The following CRADD variants were observed in gnomAD, a reference collection of about 807,000 sequenced individuals.
CRADD encodes death domain-containing protein CRADD.
CRADD carries 9 observed loss-of-function variants against 15.5 expected under a neutral mutation model. The observed-to-expected ratio is 0.58, with a 90% CI of 0.35 to 1.01. The LOEUF (loss-of-function observed/expected upper bound fraction) is 1.01. Among genes scored for constraint, CRADD ranks in the 50% least tolerant of loss-of-function variants. The pLI is 0.02. For missense variants in CRADD, 227 were observed against 250.3 expected (o/e 0.91, Z 0.63); for synonymous variants, 118 against 107.6 (o/e 1.10, Z -0.60).
downstream of CRADD, among the ~76,000 whole-genome samples, chr12:93,855,182 A>G (rs1958262489): frequency 6.6e-6 from 1 of 151,990 alleles, no homozygotes; most frequent in African/African-American, 2.4e-5. Context: ...GAGACAGCAA[A>G]ACTCCGTCTT....
intron 2 of CRADD, among the ~76,000 whole-genome samples, chr12:93,788,630 G>A (rs1957309841): frequency 6.6e-6 from 1 of 152,178 alleles, no homozygotes; most frequent in Admixed American, 6.5e-5. Context: ...GAGGGTGTGA[G>A]GTAGTTGTTG....
At chr12:93,727,080 C>T (rs144399571) in intron 2 of CRADD, among the ~76,000 whole-genome samples, 44 of 152,298 alleles carry the variant, frequency 2.9e-4, no homozygotes, top group African/African-American at 7.5e-4. Context: ...TTATGATGCT[C>T]AGGTGGGAAA....
chr12:93,790,240 A>T (rs988923825), intron 2 of CRADD, among the ~76,000 whole-genome samples: 1 of 152,180 alleles, frequency 6.6e-6, no homozygotes, highest in Non-Finnish European at 1.5e-5. Flanking sequence ...ATTTCTAATA[A>T]CTTTAATGGA....
chr12:93,753,159 G>A (rs7975989), intron 2 of CRADD, among the ~76,000 whole-genome samples: 85,682 of 151,744 alleles, frequency 0.56, 25,220 homozygotes, highest in East Asian at 0.89. Context: ...GGTGGCAGGC[G>A]AGAGAGTGTG....
Position 93,828,204 on chromosome 12 carries a change from T to C in CRADD, c.299-21766T>C, listed in dbSNP as rs545966458. Among the ~76,000 whole-genome samples the C allele has an allele frequency of 7.2e-5, 11 of 152,356 alleles. No homozygotes were observed. The South Asian group carries it at 2.3e-3, about 32-fold the overall frequency. ...AGAATTATTTGTATATATATATGTATACAAGTCCTTTACAAGATATGATTT... is the reference window on the plus strand; with the variant it reads ...AGAATTATTTGTATATATATATGTACACAAGTCCTTTACAAGATATGATTT... On this transcript the variant is annotated intron_variant, in intron 2 of 2. Transcript: ENST00000332896.
intron 2 of CRADD, among the ~76,000 whole-genome samples, chr12:93,799,296 G>A (rs1336598945): frequency 1.3e-5 from 2 of 152,222 alleles, no homozygotes; most frequent in East Asian, 3.9e-4. Flanking sequence ...TTGTGACTGT[G>A]ATGCATGCAA....
intron 2 of CRADD, among the ~76,000 whole-genome samples, chr12:93,834,677 G>A (rs764507837): frequency 1.3e-5 from 2 of 152,082 alleles, no homozygotes; most frequent in Admixed American, 6.5e-5. Context: ...CAGTAGAGAC[G>A]GGGTTTCTCC....
chr12:93,740,805 A>G (rs867594361), intron 2 of CRADD, among the ~76,000 whole-genome samples: 1 of 152,172 alleles, frequency 6.6e-6, no homozygotes, highest in South Asian at 2.1e-4. Flanking sequence ...TAAAATGTCT[A>G]TTTGCAGGAT....
chr12:93,751,145 A>G (rs1284068706), intron 2 of CRADD, among the ~76,000 whole-genome samples: 1 of 152,252 alleles, frequency 6.6e-6, no homozygotes. Context: ...GAACATAATT[A>G]TAGAAAAAAG....
chr12:93,710,284 C>T (rs904440704), intron 2 of CRADD, among the ~76,000 whole-genome samples: 1 of 151,780 alleles, frequency 6.6e-6, no homozygotes. Flanking sequence ...AGCCACCTTA[C>T]AGCATGGTGG....
intron 2 of CRADD, among the ~76,000 whole-genome samples, chr12:93,709,959 C>T (rs1956031721): frequency 6.6e-6 from 1 of 152,184 alleles, no homozygotes; most frequent in Non-Finnish European, 1.5e-5. Flanking sequence ...TTCTCCTGCT[C>T]ATATTTCTGT....
chr12:93,719,355 A>T (rs1387476625), intron 2 of CRADD, among the ~76,000 whole-genome samples: 3 of 152,150 alleles, frequency 2.0e-5, no homozygotes, highest in Non-Finnish European at 4.4e-5. Flanking sequence ...ATTTGCTAAT[A>T]CTTTTTTGAG....
chr12:93,869,370 CA>C (rs1252826864), intron 2 of CRADD, among the ~76,000 whole-genome samples: 2 of 152,020 alleles, frequency 1.3e-5, no homozygotes, highest in Non-Finnish European at 2.9e-5. Flanking sequence ...TAAAAATTAC[CA>C]GACATGCAAA....
chr12:93,843,650 G>T (rs1245927205), intron 2 of CRADD, among the ~76,000 whole-genome samples: 1 of 151,806 alleles, frequency 6.6e-6, no homozygotes, highest in Non-Finnish European at 1.5e-5. Context: ...AAAGGGCTGG[G>T]ATTACAGGCG....
intron 2 of CRADD, among the ~76,000 whole-genome samples, chr12:93,840,230 T>C (rs953495914): frequency 5.3e-5 from 8 of 152,250 alleles, no homozygotes; most frequent in Non-Finnish European, 1.0e-4. Flanking sequence ...TTTAGTCAGA[T>C]CTTGCTTTAT....
chr12:93,883,034 T>G (rs1295781895), intron 2 of CRADD, among the ~76,000 whole-genome samples: 3 of 152,334 alleles, frequency 2.0e-5, no homozygotes, highest in Non-Finnish European at 2.9e-5. Flanking sequence ...GGAATTAATA[T>G]ATCTTTGGGG....
rs114077479 is a variant in CRADD at position 93,738,231 on chromosome 12, A to G, written c.298+59159A>G. ...AGGAAAAAGGAAGGACTGGCCGAAGAATGGGGTGGGGAGCTGGAGAAGAGA... is the reference window on the plus strand; with the variant it reads ...AGGAAAAAGGAAGGACTGGCCGAAGGATGGGGTGGGGAGCTGGAGAAGAGA... On this transcript the variant is annotated intron_variant, in intron 2 of 2. Transcript: ENST00000332896. 8.1e-4 allele frequency: 507 copies of G among 623,326 alleles called. 3 individuals carry two copies. The African/African-American group carries it at 8.2e-3, about 10-fold the overall frequency. 38.6% of individuals were successfully genotyped at this position (623,326 alleles called of 1,614,324 possible).
At chr12:93,713,284 C>G (rs1350446037) in intron 2 of CRADD, among the ~76,000 whole-genome samples, 1 of 152,118 alleles carries the variant, frequency 6.6e-6, no homozygotes, top group African/African-American at 2.4e-5. Flanking sequence ...CTGCAGAAAA[C>G]AGTGTTATGT....
intron 2 of CRADD, among the ~76,000 whole-genome samples, chr12:93,783,908 C>T (rs1410595479): frequency 6.6e-6 from 1 of 152,124 alleles, no homozygotes; most frequent in African/African-American, 2.4e-5. Flanking sequence ...TGCTGGTGGG[C>T]ATGTGCAGAT....
Sources: gnomAD v4.1 joint callset for allele counts (sites outside exome capture counted in the v4.1 genomes callset) on GRCh38, gnomAD v4.1.1 for gene constraint, MANE v1.5 for transcripts, NCBI Gene and HGNC (gene_info 2026-07-23, HGNC 2026-07-21) for gene names.